ZFYVE1: variants seen among roughly 807,000 people sequenced by gnomAD.
ZFYVE1 encodes zinc finger FYVE-type containing 1.
In ZFYVE1, 30 loss-of-function variants were observed where a neutral mutation model predicts 74.4. The ratio of observed to expected loss-of-function variants is 0.40; its 90% CI spans 0.30 to 0.55. The LOEUF (loss-of-function observed/expected upper bound fraction) is 0.55, where lower values mean the gene tolerates loss of function less well. Ranked by LOEUF, ZFYVE1 falls within the 20% of genes least tolerant of loss-of-function variation. The pLI is 0.42. For synonymous variants in ZFYVE1, 335 were observed against 385.1 expected, an observed-to-expected ratio of 0.87 and a Z score of 1.52; for missense variants, 703 against 1,011.6, an observed-to-expected ratio of 0.69 and a Z score of 4.14.
Position 73,024,338 on chromosome 14 carries a change from G to A in ZFYVE1, c.171C>T (p.Asn57=), listed in dbSNP as rs761882575. ...CAGGTTTGAGTCTTATCCGCTCATG[G>A]TTTCTCAGGCGCTCCTGCCGATGGA... ...EELHRQERLR[N]HERIRLKPGH... The change falls in exon 2 of 12, where the codon AAC becomes AAT. Residue 57 remains asparagine, a synonymous_variant. Transcript: ENST00000556143. The A allele has an allele frequency of 3.7e-6, 6 of 1,613,974 alleles. No individual in the cohort carries two copies. Among genetic ancestry groups the A allele is most frequent in the Non-Finnish European group, 4.2e-6 (5 of 1,180,038 alleles).
rs76167911 is a variant in ZFYVE1, at chr14:72,997,067, G to A, written c.988+744C>T. Among the ~76,000 whole-genome samples, 54 of 152,060 alleles carry A rather than the reference G, an allele frequency of 3.6e-4. No individual in the cohort carries two copies. The East Asian group carries it at 9.9e-3, about 28-fold the overall frequency. On this transcript the variant is annotated intron_variant, in intron 3 of 11. Transcript: ENST00000556143. Reference sequence around the variant, plus strand: ...TGTCCACATCCATCTTCTTATCTGCGACCGTGTCCATATTGTCTACTTTCT... The same window carrying A: ...TGTCCACATCCATCTTCTTATCTGCAACCGTGTCCATATTGTCTACTTTCT...
At chr14:73,025,764 T>TAG (rs1354737162) in intron 1 of ZFYVE1, among the ~76,000 whole-genome samples, 1 of 148,970 alleles carries the variant, frequency 6.7e-6, no homozygotes. Context: ...AAACGCCACC[T>TAG]CTAGGCCCAA....
chr14:72,979,177 C>A, intron 5 of ZFYVE1: 1 of 527,598 alleles, frequency 1.9e-6, no homozygotes. Context: ...GGCACAGCGA[C>A]TACTATCCTT....
At chr14:72,997,666 C>A in intron 3 of ZFYVE1, 145 bp downstream of exon 3, 2 of 1,105,430 alleles carry the variant, frequency 1.8e-6, no homozygotes, top group East Asian at 2.5e-5. Flanking sequence ...TTGATCACTC[C>A]ATCCTCCTTG....
chr14:73,024,759 T>A lies in ZFYVE1; in HGVS notation c.-251A>T. ...TTTGATGGTTTCATCCTCCATAAAGTGCAAGCAAAGATGTGGTCAAAATTG... is the reference window on the plus strand; with the variant it reads ...TTTGATGGTTTCATCCTCCATAAAGAGCAAGCAAAGATGTGGTCAAAATTG... On this transcript the variant is annotated 5_prime_UTR_variant, in exon 2 of 12. Coordinates refer to ENST00000556143, the MANE Select transcript of ZFYVE1 (RefSeq NM_021260.4). 2 of 462,674 alleles carry A rather than the reference T, an allele frequency of 4.3e-6. No homozygotes were observed. The highest frequency in any genetic ancestry group is 7.4e-6 in the Non-Finnish European group (2 of 271,884). The allele number at this position is 462,674 out of a possible 1,614,324, so 28.7% of individuals were successfully genotyped here.
In ZFYVE1 at chr14:73,002,671, A is replaced by C. The variant is rs188651764; in HGVS notation, c.484-4356T>G. 7.5e-3 allele frequency among the ~76,000 whole-genome samples: 1,140 copies of C among 152,002 alleles called. 8 individuals carry two copies. The highest frequency in any genetic ancestry group is 0.017 in the Middle Eastern group (5 of 294). ...GATTCAAAGAGCTTATGGCTACTGC[A>C]GCCAAAGGAGTGAGGAAGCTTCACA... is the stretch of plus-strand genomic sequence containing the variant. On this transcript the variant is annotated intron_variant, in intron 2 of 11. Coordinates refer to ENST00000556143, the MANE Select transcript of ZFYVE1 (RefSeq NM_021260.4).
intron 2 of ZFYVE1, among the ~76,000 whole-genome samples, chr14:73,020,982 C>T (rs1287762788): frequency 6.6e-6 from 1 of 152,110 alleles, no homozygotes; most frequent in African/African-American, 2.4e-5. Context: ...GATCTACCTG[C>T]CTGGGCCTCC....
At chr14:73,015,330 AAAGGGGGGAAGGAAAGGGGAAGG>A (rs1455587629) in intron 2 of ZFYVE1, among the ~76,000 whole-genome samples, 1 of 76,354 alleles carries the variant, frequency 1.3e-5, no homozygotes, top group African/African-American at 5.4e-5. Flanking sequence ...AGGGGGAAGG[AAAGGGGGGAAGGAAAGGGGAAGG>A]AAGGGGGAAA....
intron 2 of ZFYVE1, among the ~76,000 whole-genome samples, chr14:73,017,662 C>G (rs2140387318): frequency 6.6e-6 from 1 of 152,268 alleles, no homozygotes; most frequent in Middle Eastern, 3.4e-3. Flanking sequence ...TATCAGCACT[C>G]CTACTTTACC....
chr14:73,025,424 A>G (rs905159185), intron 1 of ZFYVE1, among the ~76,000 whole-genome samples: 2 of 151,412 alleles, frequency 1.3e-5, no homozygotes, highest in Non-Finnish European at 2.9e-5. Flanking sequence ...AGCCAGGCGC[A>G]GTGGCTCACA....
At position 72,975,281 on chromosome 14, in the gene ZFYVE1, C is replaced by T. The variant is rs1273462026; in HGVS notation, c.1806+270G>A. 7 of 524,698 alleles carry T rather than the reference C, an allele frequency of 1.3e-5. No individual in the cohort carries two copies. Among genetic ancestry groups the T allele is most frequent in the African/African-American group, 1.3e-4 (7 of 52,720 alleles). 32.5% of individuals were successfully genotyped at this position (524,698 alleles called of 1,614,324 possible). On this transcript the variant is annotated intron_variant, in intron 9 of 11. Transcript: ENST00000556143. This position sits in a 1 kb window ranked among gnomAD's most constrained non-coding sequence, Gnocchi z 4.1. ...CTCCAGATTCTTATCTGGGTCCTCA[C>T]ATATCTAAGCAATATTCACTGGTCG...
At chr14:72,982,831 C>T (rs954404123) in intron 4 of ZFYVE1, among the ~76,000 whole-genome samples, 2 of 151,806 alleles carry the variant, frequency 1.3e-5, no homozygotes, top group South Asian at 2.1e-4. Context: ...AGGTTTTAAA[C>T]GAAGAACAAT....
intron 2 of ZFYVE1, among the ~76,000 whole-genome samples, chr14:73,012,829 T>C (rs1483745687): frequency 6.6e-6 from 1 of 152,184 alleles, no homozygotes; most frequent in Non-Finnish European, 1.5e-5. Context: ...TGCTGTAGAA[T>C]GATACACATA....
intron 4 of ZFYVE1, among the ~76,000 whole-genome samples, chr14:72,992,254 A>G (rs563182661): frequency 6.6e-6 from 1 of 152,280 alleles, no homozygotes; most frequent in South Asian, 2.1e-4. Flanking sequence ...CCAGTCTCAG[A>G]ACCTTCCATG....
chr14:73,019,576 AGAGCTATG>A (rs1894272276), intron 2 of ZFYVE1, among the ~76,000 whole-genome samples: 1 of 152,264 alleles, frequency 6.6e-6, no homozygotes, highest in Admixed American at 6.5e-5. Context: ...ACATTTATAC[AGAGCTATG>A]GTTCATCGGA....
At chr14:72,981,731 A>G (rs1271412482) in intron 5 of ZFYVE1, 58 bp downstream of exon 5, 1 of 1,514,032 alleles carries the variant, frequency 6.6e-7, no homozygotes, top group Non-Finnish European at 9.2e-7. Flanking sequence ...AGGAAGCACC[A>G]CTCAAAGGCT....
Position 73,026,549 on chromosome 14 carries a change from T to C in ZFYVE1, c.-435+377A>G, listed in dbSNP as rs900414590. ...GAAACAAAAATCAAACTTGTCACAA[T>C]TGAGAAAAATATAAAATCAACCTTC... On this transcript the variant is annotated intron_variant, in intron 1 of 11. Coordinates refer to ENST00000556143, the MANE Select transcript of ZFYVE1 (RefSeq NM_021260.4). Among the ~76,000 whole-genome samples, 5 of 152,146 alleles carry C rather than the reference T, an allele frequency of 3.3e-5. No individual in the cohort carries two copies. In the East Asian group the frequency reaches 5.8e-4, roughly 18 times the overall value.
At chr14:72,982,013 T>C in intron 4 of ZFYVE1, 118 bp from the exon 5 acceptor site, 1 of 822,662 alleles carries the variant, frequency 1.2e-6, no homozygotes, top group Non-Finnish European at 2.0e-6. Flanking sequence ...TAACTTCTGC[T>C]CATTACCCTT....
chr14:73,005,833 C>T (rs1396002185), intron 2 of ZFYVE1, among the ~76,000 whole-genome samples: 2 of 152,170 alleles, frequency 1.3e-5, no homozygotes, highest in East Asian at 3.9e-4. Flanking sequence ...GGGGCTGATT[C>T]AGCAATGTAG....
Sources: allele counts gnomAD v4.1 joint callset (sites outside exome capture counted in the v4.1 genomes callset), GRCh38; gene constraint gnomAD v4.1.1; non-coding constraint Gnocchi (gnomAD v3.1); transcripts MANE v1.5; gene names NCBI Gene and HGNC (gene_info 2026-07-23, HGNC 2026-07-21).